Variants in IL22RA2 observed in about 807,000 individuals in gnomAD.
IL22RA2 encodes the protein interleukin 22 receptor subunit alpha 2.
A neutral mutation model predicts 30.7 loss-of-function variants in IL22RA2; 39 were observed. That is an observed-to-expected ratio of 1.27 (90% CI 0.98 to 1.66). The LOEUF (loss-of-function observed/expected upper bound fraction) is 1.66, where lower values mean the gene tolerates loss of function less well. IL22RA2 is among the 40% of genes most tolerant of loss of function. The pLI, the probability that IL22RA2 is intolerant of heterozygous loss-of-function variation, is 0.00. For missense variants in IL22RA2, 315 were observed against 312.7 expected (o/e 1.01, Z -0.05); for synonymous variants, 103 against 105.0 (o/e 0.98, Z 0.11).
Position 137,147,738 on chromosome 6 carries a change from T to C in IL22RA2, c.626A>G (p.Asn209Ser). The change falls in exon 6 of 7, where the codon AAC (asparagine) becomes AGC (serine). Residue 209 changes from asparagine (N) to serine (S), a missense_variant. By Grantham distance (46) the Asn-to-Ser change is conservative. Coordinates refer to ENST00000296980, the MANE Select transcript of IL22RA2 (RefSeq NM_052962.3). ...TGAACTTACCTTTTCTAGTGAATTG[T>C]TAATTATAAAAACTCGGTATAGTAG... The part of the protein sequence containing the change: ...YELLYRVFII[N>S]NSLEKEQKVY... The C allele has an allele frequency of 1.3e-6, 2 of 1,556,600 alleles. No homozygotes were observed. Among genetic ancestry groups the C allele is most frequent in the South Asian group, 1.2e-5 (1 of 85,752 alleles).
chr6:137,169,557 T>C (rs1214345517), intron 1 of IL22RA2, among the ~76,000 whole-genome samples: 1 of 152,074 alleles, frequency 6.6e-6, no homozygotes, highest in African/African-American at 2.4e-5. Flanking sequence ...AAATAAGTAC[T>C]GAGGAAAAAA....
In IL22RA2 at chr6:137,147,706, A is replaced by C. The variant is rs1304846613; in HGVS notation, c.642+16T>G. ...AAAGAAAAAAACTCTAAATATATCT[A>C]TTCATCTGAACTTACCTTTTCTAGT... On this transcript the variant is annotated intron_variant, in intron 6 of 6. Coordinates refer to ENST00000296980, the MANE Select transcript of IL22RA2 (RefSeq NM_052962.3). 1 of 1,494,808 alleles carries C rather than the reference A, an allele frequency of 6.7e-7. No homozygotes were observed. Among genetic ancestry groups the C allele is most frequent in the Admixed American group, 2.1e-5 (1 of 47,990 alleles). The allele number at this position is 1,494,808 out of a possible 1,614,324, so 92.6% of individuals were successfully genotyped here.
At chr6:137,171,275 T>A (rs1778729589) in intron 1 of IL22RA2, among the ~76,000 whole-genome samples, 1 of 152,188 alleles carries the variant, frequency 6.6e-6, no homozygotes, top group South Asian at 2.1e-4. Flanking sequence ...AAGTAGAGAA[T>A]AAGGAGCTAC....
chr6:137,147,189 A>AAAAT, intron 6 of IL22RA2, among the ~76,000 whole-genome samples: 1 of 141,586 alleles, frequency 7.1e-6, no homozygotes. Flanking sequence ...GCCTCTACAA[A>AAAAT]AAAAAAAAAA....
chr6:137,153,737 G>T (rs1034680953), intron 5 of IL22RA2, among the ~76,000 whole-genome samples: 1 of 152,142 alleles, frequency 6.6e-6, no homozygotes, highest in Non-Finnish European at 1.5e-5. Flanking sequence ...TCAGGTGGAA[G>T]AATTCTTGGT....
chr6:137,159,524 T>C (rs1354095911), intron 2 of IL22RA2, among the ~76,000 whole-genome samples: 1 of 152,188 alleles, frequency 6.6e-6, no homozygotes, highest in South Asian at 2.1e-4. Flanking sequence ...GGTTTTGCCA[T>C]GTTGGGCAGG....
chr6:137,151,332 T>C (rs1778287450), intron 5 of IL22RA2, among the ~76,000 whole-genome samples: 1 of 152,132 alleles, frequency 6.6e-6, no homozygotes, highest in Non-Finnish European at 1.5e-5. Flanking sequence ...TTTCAACAAA[T>C]GGTGCTGGGA....
intron 1 of IL22RA2, among the ~76,000 whole-genome samples, chr6:137,165,224 G>T (rs771135820): frequency 6.6e-6 from 1 of 152,218 alleles, no homozygotes; most frequent in Non-Finnish European, 1.5e-5. Context: ...GGTCTCAGAG[G>T]TTCGCCAGAA....
rs1778149015 is a variant in IL22RA2, at chr6:137,145,132, AT to A, written c.*491del. On this transcript the variant is annotated 3_prime_UTR_variant, in exon 7 of 7. Transcript: ENST00000296980. ...GTATATTCATATAAAATAGAAATGTATGAAAAATATTCACCTTTATAGAAGT... is the reference window on the plus strand; with the variant it reads ...GTATATTCATATAAAATAGAAATGTAGAAAAATATTCACCTTTATAGAAGT... The A allele has an allele frequency of 6.6e-6, 1 of 151,804 alleles. No homozygotes were observed. The highest frequency in any genetic ancestry group is 2.4e-5 in the African/African-American group (1 of 41,422). The allele number at this position is 151,804 out of a possible 1,614,324, so 9.4% of individuals were successfully genotyped here.
rs775208208 is a variant in IL22RA2, at chr6:137,161,755, C to G, written c.-6G>C. ...AAGCAATGTTTAGGCATCATGGTTG[C>G]AAGTGTGACTGTTCAGGCAACCAGT... On this transcript the variant is annotated 5_prime_UTR_variant, in exon 2 of 7. Transcript: ENST00000296980. 3 of 1,612,542 alleles carry G rather than the reference C, an allele frequency of 1.9e-6. No individual in the cohort carries two copies. In the African/African-American group the frequency reaches 4.0e-5, roughly 22 times the overall value.
rs577271605 is a variant in IL22RA2, at chr6:137,157,414, C to T, written c.198-560G>A. 2.6e-3 allele frequency among the ~76,000 whole-genome samples: 396 copies of T among 152,132 alleles called. 1 individual carries two copies. Among genetic ancestry groups the T allele is most frequent in the Non-Finnish European group, 4.1e-3 (280 of 68,006 alleles). ...TGTAAAGATTTGTACATTTTACAAT[C>T]GCTACATAAAATATGTAGAGAGAAG... On this transcript the variant is annotated intron_variant, in intron 3 of 6. Transcript: ENST00000296980.
chr6:137,163,207 C>T (rs1778559414), intron 1 of IL22RA2, among the ~76,000 whole-genome samples: 2 of 152,218 alleles, frequency 1.3e-5, no homozygotes, highest in South Asian at 4.1e-4. Context: ...CTGTATCTCG[C>T]TTCCTGCCTC....
chr6:137,164,888 A>C (rs1437588212), intron 1 of IL22RA2, among the ~76,000 whole-genome samples: 1 of 152,230 alleles, frequency 6.6e-6, no homozygotes, highest in Non-Finnish European at 1.5e-5. Context: ...CCTCCTATAG[A>C]GAGAAGCCTC....
At chr6:137,170,704 A>G (rs918419185) in intron 1 of IL22RA2, among the ~76,000 whole-genome samples, 1 of 152,144 alleles carries the variant, frequency 6.6e-6, no homozygotes, top group Non-Finnish European at 1.5e-5. Context: ...CGGTCTCTTC[A>G]GTCTTTGATC....
chr6:137,156,802 G>A lies in IL22RA2; in HGVS notation c.250C>T (p.Gln84Ter). The A allele has an allele frequency of 6.2e-7, 1 of 1,613,910 alleles. No individual in the cohort carries two copies. Among genetic ancestry groups the A allele is most frequent in the Non-Finnish European group, 8.5e-7 (1 of 1,179,816 alleles). The change falls in exon 4 of 7, where the codon CAG (glutamine) becomes TAG (stop). Residue 84 changes from glutamine (Q) to a stop codon, truncating the protein, a stop_gained. Transcript: ENST00000296980. LOFTEE classifies it high-confidence loss of function. The stretch of plus-strand genomic sequence containing the variant: ...CCTGGGAAGTTACAAGAAATGTGCT[G>A]CCAGCATCCACTTGGCTTCTGGTGA... ...SSHQKPSGCW[Q>*]HISCNFPGCR...
In IL22RA2 at chr6:137,158,504, G is replaced by A. The variant is rs115602108; in HGVS notation, c.62-22C>T. 5.8e-5 allele frequency: 94 copies of A among 1,612,982 alleles called. No individual in the cohort carries two copies. In the African/African-American group the frequency reaches 1.2e-3, roughly 20 times the overall value. On this transcript the variant is annotated intron_variant, in intron 2 of 6. Transcript: ENST00000296980. The stretch of plus-strand genomic sequence containing the variant: ...GTTCCTAAGATAATAAGAGAAGGAA[G>A]AACATTGAACGTTGCTTGGAGCACT...
chr6:137,152,408 T>C (rs951233220), intron 5 of IL22RA2, among the ~76,000 whole-genome samples: 1 of 152,210 alleles, frequency 6.6e-6, no homozygotes, highest in Non-Finnish European at 1.5e-5. Context: ...GAAGTACTGA[T>C]ACATACTACA....
chr6:137,167,528 T>C (rs1157326026), intron 1 of IL22RA2, among the ~76,000 whole-genome samples: 1 of 152,218 alleles, frequency 6.6e-6, no homozygotes, highest in South Asian at 2.1e-4. Context: ...GCCTCACAGA[T>C]GCAGTACAAC....
chr6:137,145,778 A>G lies in IL22RA2; in HGVS notation c.643-5T>C. 6.2e-7 allele frequency: 1 copy of G among 1,613,708 alleles called. No individual in the cohort carries two copies. On this transcript the variant is annotated splice_region_variant and splice_polypyrimidine_tract_variant and intron_variant, in intron 6 of 6. Transcript: ENST00000296980. ...CCCTTCATAAACCTTTTGCTCCTACACACGAGAGAGAAAATAATCAGTTGG... is the reference window on the plus strand; with the variant it reads ...CCCTTCATAAACCTTTTGCTCCTACGCACGAGAGAGAAAATAATCAGTTGG...
Sources: allele counts gnomAD v4.1 joint callset (sites outside exome capture counted in the v4.1 genomes callset), GRCh38; gene constraint gnomAD v4.1.1; transcripts MANE v1.5; gene names NCBI Gene and HGNC (gene_info 2026-07-23, HGNC 2026-07-21).